Variants in TSEN2 observed in about 807,000 individuals in gnomAD.
The protein encoded by TSEN2 is tRNA-splicing endonuclease subunit Sen2.
A neutral mutation model predicts 59.2 loss-of-function variants in TSEN2; 54 were observed. The ratio of observed to expected loss-of-function variants is 0.91; its 90% CI spans 0.73 to 1.14. The LOEUF (loss-of-function observed/expected upper bound fraction) is 1.14. TSEN2 is among the 50% of genes most tolerant of loss of function. The probability of loss-of-function intolerance (pLI) is 0.00; values close to 1 mark genes in which losing one functional copy is unlikely to be tolerated. For synonymous variants in TSEN2, 195 were observed against 198.2 expected (o/e 0.98, Z 0.14); for missense variants, 636 against 576.2 (o/e 1.10, Z -1.06).
intron 5 of TSEN2, among the ~76,000 whole-genome samples, chr3:12,504,473 C>G (rs1429205651): frequency 6.6e-6 from 1 of 152,008 alleles, no homozygotes; most frequent in African/African-American, 2.4e-5. Context: ...GTCCCAGCTA[C>G]TCAAGAGGCT....
chr3:12,516,596 T>C lies in TSEN2; in HGVS notation c.910-15T>C, dbSNP rs1463608897. 1 of 1,613,730 alleles carries C rather than the reference T, an allele frequency of 6.2e-7. No individual in the cohort carries two copies. Among genetic ancestry groups the C allele is most frequent in the Admixed American group, 1.7e-5 (1 of 59,980 alleles). ...ACTATTTGTAATGAGCATTTTCTGC[T>C]TGCTGTATTTTCAGGCCTTTTTCTT... On this transcript the variant is annotated splice_polypyrimidine_tract_variant and intron_variant, in intron 6 of 11. Transcript: ENST00000284995.
downstream of TSEN2, among the ~76,000 whole-genome samples, chr3:12,537,763 A>G (rs1039407208): frequency 6.6e-6 from 1 of 152,168 alleles, no homozygotes; most frequent in Admixed American, 6.5e-5. Flanking sequence ...CTTTTCATCT[A>G]TAAAAGAAGC....
At chr3:12,529,252 G>A (rs2125242666) in intron 9 of TSEN2, among the ~76,000 whole-genome samples, 1 of 152,256 alleles carries the variant, frequency 6.6e-6, no homozygotes, top group South Asian at 2.1e-4. Context: ...GGATCATGAG[G>A]TCAGGAATTC....
At chr3:12,489,723 T>G in intron 1 of TSEN2, 61 bp from the exon 2 acceptor site, 1 of 1,430,638 alleles carries the variant, frequency 7.0e-7, no homozygotes, top group East Asian at 2.4e-5. Context: ...TGTACTCACA[T>G]TTTGGATCAA....
chr3:12,524,130 T>C (rs1007165062), intron 8 of TSEN2, among the ~76,000 whole-genome samples: 2 of 152,122 alleles, frequency 1.3e-5, no homozygotes. Flanking sequence ...ATGGGGTCTT[T>C]CTGTGTTGCC....
intron 10 of TSEN2, chr3:12,538,949 G>A (rs1400087324): frequency 9.6e-6 from 3 of 311,774 alleles, no homozygotes; most frequent in Non-Finnish European, 1.8e-5. Context: ...TCCATGTGTC[G>A]GGTCAGGCAA....
intron 6 of TSEN2, among the ~76,000 whole-genome samples, chr3:12,506,534 T>C (rs571152849): frequency 1.3e-5 from 2 of 151,642 alleles, no homozygotes; most frequent in African/African-American, 4.8e-5. Context: ...GGTCGAGGCT[T>C]TAATGAACCG....
intron 10 of TSEN2, chr3:12,539,065 AT>A (rs2057748283): frequency 2.4e-6 from 1 of 408,492 alleles, no homozygotes; most frequent in African/African-American, 2.2e-5. Flanking sequence ...CCATTTCCTG[AT>A]TTAGATTCTG....
intron 8 of TSEN2, among the ~76,000 whole-genome samples, chr3:12,524,155 A>G (rs989859580): frequency 1.2e-4 from 18 of 151,182 alleles, no homozygotes; most frequent in Non-Finnish European, 1.6e-4. Flanking sequence ...CTGGGCTCAA[A>G]CTCCTGGGCT....
At chr3:12,510,614 GGC>G (rs2055343693) in intron 6 of TSEN2, among the ~76,000 whole-genome samples, 2 of 152,170 alleles carry the variant, frequency 1.3e-5, no homozygotes, top group South Asian at 2.1e-4. Flanking sequence ...TCTTGTGCCC[GGC>G]TCTTCCATTT....
At position 12,503,609 on chromosome 3, in the gene TSEN2, A is replaced by G. The variant is rs150208456; in HGVS notation, c.656A>G (p.His219Arg). 50 of 1,595,134 alleles carry G rather than the reference A, an allele frequency of 3.1e-5. No homozygotes were observed. The African/African-American group carries it at 4.0e-4, about 13-fold the overall frequency. ...CGAGAGGATGCCTCACCTCTGCCCCATGTCTGTTGCTGCAAACAAGATGCT... is the reference window on the plus strand; with the variant it reads ...CGAGAGGATGCCTCACCTCTGCCCCGTGTCTGTTGCTGCAAACAAGATGCT... ...SVREDASPLPHVCCCKQDALI... is the reference protein window; with the variant it reads ...SVREDASPLPRVCCCKQDALI... Residue 219 changes from histidine (H) to arginine (R), a missense_variant, in exon 5 of 12, where the codon CAT (histidine) becomes CGT (arginine). Coordinates refer to ENST00000284995, the MANE Select transcript of TSEN2 (RefSeq NM_025265.4).
At chr3:12,537,905 A>G (rs904390477), downstream of TSEN2, among the ~76,000 whole-genome samples, 9 of 152,232 alleles carry the variant, frequency 5.9e-5, no homozygotes, top group South Asian at 6.2e-4. Context: ...TGAGTAAAGA[A>G]TTAGACTAGA....
At chr3:12,483,260 G>A (rs745885197), upstream of TSEN2, among the ~76,000 whole-genome samples, 4 of 152,148 alleles carry the variant, frequency 2.6e-5, no homozygotes, top group Non-Finnish European at 5.9e-5. Context: ...CCTGTAATCC[G>A]AGCTACTCGG....
chr3:12,509,128 A>G (rs1265819404), intron 6 of TSEN2, among the ~76,000 whole-genome samples: 2 of 152,066 alleles, frequency 1.3e-5, no homozygotes, highest in Non-Finnish European at 1.5e-5. Flanking sequence ...TTTCACTGTA[A>G]AGTAAAAGCA....
At chr3:12,525,447 A>G (rs2056999490) in intron 8 of TSEN2, among the ~76,000 whole-genome samples, 1 of 152,218 alleles carries the variant, frequency 6.6e-6, no homozygotes, top group Non-Finnish European at 1.5e-5. Flanking sequence ...TTATTGCACT[A>G]ATCATTTTCT....
rs376562686 is a variant in TSEN2, at chr3:12,505,243, A to G, written c.909+12A>G. On this transcript the variant is annotated intron_variant, in intron 6 of 11. Transcript: ENST00000284995. ...TCAGCCTAGAAGAGGTATGTTTTCAACATATTATTATTTCAGCCATCGGTC... is the reference window on the plus strand; with the variant it reads ...TCAGCCTAGAAGAGGTATGTTTTCAGCATATTATTATTTCAGCCATCGGTC... 6.4e-7 allele frequency: 1 copy of G among 1,562,578 alleles called. No individual in the cohort carries two copies. Among genetic ancestry groups the G allele is most frequent in the Admixed American group, 1.7e-5 (1 of 59,940 alleles).
chr3:12,485,811 A>G lies in TSEN2; in HGVS notation c.-18+931A>G, dbSNP rs1164194373. ...TGACAACTGACCCAGTCTTTCCTAT[A>G]TGTTTTTGTGCACCTCAGGCACCGC... On this transcript the variant is annotated intron_variant, in intron 1 of 11. Transcript: ENST00000284995. Among the ~76,000 whole-genome samples the G allele has an allele frequency of 2.6e-5, 4 of 152,130 alleles. No individual in the cohort carries two copies. The East Asian group carries it at 7.7e-4, about 29-fold the overall frequency.
upstream of TSEN2, among the ~76,000 whole-genome samples, chr3:12,482,368 G>A (rs374383323): frequency 7.9e-5 from 12 of 152,200 alleles, no homozygotes; most frequent in African/African-American, 2.6e-4. Flanking sequence ...TGATCCACCC[G>A]CCTCAGCCTC....
chr3:12,481,548 G>A (rs1184768925), upstream of TSEN2, among the ~76,000 whole-genome samples: 2 of 152,132 alleles, frequency 1.3e-5, no homozygotes, highest in African/African-American at 2.4e-5. Flanking sequence ...ATGGCCCCAA[G>A]TGGAGTGCTG....
Sources: allele counts gnomAD v4.1 joint callset (sites outside exome capture counted in the v4.1 genomes callset), GRCh38; gene constraint gnomAD v4.1.1; transcripts MANE v1.5; gene names NCBI Gene and HGNC (gene_info 2026-07-23, HGNC 2026-07-21).